The following DNAH14 variants were observed in gnomAD, a reference collection of about 807,000 sequenced individuals.
DNAH14 encodes axonemal beta dynein heavy chain 14.
DNAH14 carries 478 observed loss-of-function variants against 520.9 expected under a neutral mutation model. The observed-to-expected ratio is 0.92, with a 90% CI of 0.85 to 0.99. The LOEUF is 0.99. Among genes scored for constraint, DNAH14 ranks in the 50% least tolerant of loss-of-function variants. DNAH14 has a pLI of 0.00. For missense variants in DNAH14, 4,831 were observed against 5,234.5 expected (o/e 0.92, Z 2.38); for synonymous variants, 1,581 against 1,757.2 (o/e 0.90, Z 2.51).
intron 79 of DNAH14, among the ~76,000 whole-genome samples, chr1:225,378,424 C>CA (rs2095732163): frequency 6.6e-6 from 1 of 152,146 alleles, no homozygotes; most frequent in Non-Finnish European, 1.5e-5. Flanking sequence ...ACTTTACAGT[C>CA]AAAACAGTGT....
chr1:225,392,349 C>G lies in DNAH14; in HGVS notation c.13389C>G (p.Ala4463=). Reference sequence around the variant, plus strand: ...GGTCCCGAGGAATCGCTGTGGATGCCCTCACCTTCACCCACCATGTGATTT... The same window carrying G: ...GGTCCCGAGGAATCGCTGTGGATGCGCTCACCTTCACCCACCATGTGATTT... The part of the protein sequence containing the change: ...YGRSRGIAVD[A]LTFTHHVISN... Residue 4463 remains alanine, a synonymous_variant, in exon 84 of 86, where the codon GCC becomes GCG. Transcript: ENST00000682510. 6.4e-7 allele frequency: 1 copy of G among 1,552,328 alleles called. No individual in the cohort carries two copies. The highest frequency in any genetic ancestry group is 2.4e-5 in the East Asian group (1 of 40,924).
chr1:225,075,632 G>A (rs1238289536), intron 17 of DNAH14, among the ~76,000 whole-genome samples: 1 of 152,100 alleles, frequency 6.6e-6, no homozygotes, highest in Non-Finnish European at 1.5e-5. Context: ...AGGAAATTAA[G>A]GTGTTGTTAT....
intron 60 of DNAH14, among the ~76,000 whole-genome samples, chr1:225,310,481 G>T (rs2094341534): frequency 6.6e-6 from 1 of 152,016 alleles, no homozygotes; most frequent in African/African-American, 2.4e-5. Flanking sequence ...TAAGTTCTGG[G>T]ATACGTGTGC....
intron 4 of DNAH14, among the ~76,000 whole-genome samples, chr1:224,962,894 T>C (rs1012205828): frequency 2.6e-5 from 4 of 152,134 alleles, no homozygotes; most frequent in Admixed American, 2.0e-4. Flanking sequence ...CAAATTACAC[T>C]AAAAAATGGA....
Position 225,324,220 on chromosome 1 carries a change from A to C in DNAH14, c.9496-2A>C. ...GTAATACATTAACTGTGTTCTCTCT[A>C]GGTTTTCGTGAAGCTAAAAAAAATT... is the stretch of plus-strand genomic sequence containing the variant. On this transcript the variant is annotated splice_acceptor_variant, in intron 62 of 85. Transcript: ENST00000682510. LOFTEE classifies it high-confidence loss of function. 6.4e-7 allele frequency: 1 copy of C among 1,551,596 alleles called. No homozygotes were observed. Among genetic ancestry groups the C allele is most frequent in the South Asian group, 1.2e-5 (1 of 84,048 alleles).
intron 34 of DNAH14, among the ~76,000 whole-genome samples, chr1:225,158,968 C>T (rs918882728): frequency 5.9e-5 from 9 of 152,148 alleles, no homozygotes; most frequent in African/African-American, 2.2e-4. Context: ...CTAGTTCTGG[C>T]CCTCCTAGAG....
chr1:224,930,906 A>G (rs2058656460), intron 1 of DNAH14, among the ~76,000 whole-genome samples: 1 of 152,162 alleles, frequency 6.6e-6, no homozygotes, highest in Non-Finnish European at 1.5e-5. Context: ...CCTCTATACC[A>G]TACTTTTAAA....
chr1:225,088,489 G>A (rs1399973880), intron 21 of DNAH14, among the ~76,000 whole-genome samples: 1 of 152,074 alleles, frequency 6.6e-6, no homozygotes, highest in East Asian at 1.9e-4. Context: ...TAGGTAGAAA[G>A]AGAAATGTTA....
At chr1:225,156,243 G>C (rs1314799455) in intron 34 of DNAH14, among the ~76,000 whole-genome samples, 1 of 152,030 alleles carries the variant, frequency 6.6e-6, no homozygotes, top group East Asian at 1.9e-4. Flanking sequence ...AATTAAAATG[G>C]AAAGCAGTGT....
chr1:225,079,384 G>C lies in DNAH14; in HGVS notation c.2602G>C (p.Glu868Gln). ...AKHHQIHISE[E>Q]QIAIFQVLLL... ...GCATCACCAGATCCATATTTCAGAA[G>C]AGCAAATTGCCATATTCCAAGTTCT... is the stretch of plus-strand genomic sequence containing the variant. The change falls in exon 18 of 86, where the codon GAG becomes CAG. Residue 868 changes from glutamate to glutamine, a missense_variant. By Grantham distance (29) the Glu-to-Gln change is conservative. Coordinates refer to ENST00000682510, the MANE Select transcript of DNAH14 (RefSeq NM_001367479.1). 1 of 1,550,796 alleles carries C rather than the reference G, an allele frequency of 6.4e-7. No homozygotes were observed. Among genetic ancestry groups the C allele is most frequent in the Non-Finnish European group, 8.7e-7 (1 of 1,146,774 alleles).
intron 21 of DNAH14, among the ~76,000 whole-genome samples, chr1:225,095,088 G>T (rs1489179235): frequency 2.0e-5 from 3 of 151,898 alleles, no homozygotes; most frequent in African/African-American, 7.2e-5. Context: ...AATTAGTGTG[G>T]TGATTTCTCA....
chr1:225,392,525 T>C (rs1388367416), intron 84 of DNAH14, 74 bp downstream of exon 84: 2 of 1,505,440 alleles, frequency 1.3e-6, no homozygotes, highest in African/African-American at 1.4e-5. Flanking sequence ...AATTGTGCCC[T>C]TTACAAACCT....
At position 225,273,018 on chromosome 1, in the gene DNAH14, C is replaced by T. The variant is rs776015910; in HGVS notation, c.7903C>T (p.Leu2635Phe). 7.0e-5 allele frequency: 109 copies of T among 1,551,524 alleles called. No homozygotes were observed. The highest frequency in any genetic ancestry group is 8.8e-5 in the Non-Finnish European group (101 of 1,146,966). Residue 2635 changes from leucine (L) to phenylalanine (F), a missense_variant, in exon 52 of 86, where the codon CTC becomes TTC. Physicochemically the swap from Leu to Phe is conservative, Grantham distance 22. Coordinates refer to ENST00000682510, the MANE Select transcript of DNAH14 (RefSeq NM_001367479.1). ...TAACTCCAAAGAGATGGCTGCTCTG[C>T]TCTTTGTTCATGAAGCCACCCGAGT... ...VVNSKEMAAL[L>F]FVHEATRVFH... is the part of the protein sequence containing the mutation.
chr1:225,090,767 T>G (rs1471033230), intron 21 of DNAH14, among the ~76,000 whole-genome samples: 2 of 152,106 alleles, frequency 1.3e-5, no homozygotes, highest in African/African-American at 4.8e-5. Flanking sequence ...CCTAAAACTA[T>G]AAAACTTTGA....
intron 31 of DNAH14, among the ~76,000 whole-genome samples, chr1:225,148,789 G>A (rs540574274): frequency 2.6e-5 from 4 of 152,230 alleles, no homozygotes; most frequent in South Asian, 4.1e-4. Flanking sequence ...TTTTAATAGA[G>A]TTGTTTGTTT....
At chr1:224,987,927 A>G (rs2489339) in intron 8 of DNAH14, among the ~76,000 whole-genome samples, 14,559 of 152,156 alleles carry the variant, frequency 0.096, 2,253 homozygotes, top group African/African-American at 0.33. Flanking sequence ...TCTGGGGTAC[A>G]TGTGCAGGAC....
At chr1:225,146,575 C>T (rs2079964877) in intron 30 of DNAH14, among the ~76,000 whole-genome samples, 1 of 152,250 alleles carries the variant, frequency 6.6e-6, no homozygotes, top group Non-Finnish European at 1.5e-5. Context: ...AGAAGCCCAG[C>T]AGCAGCTGCG....
At chr1:225,246,877 G>C (rs902234259) in intron 43 of DNAH14, among the ~76,000 whole-genome samples, 1 of 152,162 alleles carries the variant, frequency 6.6e-6, no homozygotes, top group African/African-American at 2.4e-5. Flanking sequence ...CCATTACTGG[G>C]TATATACCCA....
At chr1:225,026,026 T>G (rs541576775) in intron 11 of DNAH14, among the ~76,000 whole-genome samples, 1 of 151,950 alleles carries the variant, frequency 6.6e-6, no homozygotes, top group Admixed American at 6.6e-5. Context: ...TTAGATGGGG[T>G]CTTGTGTTTC....
Sources: gnomAD v4.1 joint callset for allele counts (sites outside exome capture counted in the v4.1 genomes callset) on GRCh38, gnomAD v4.1.1 for gene constraint, MANE v1.5 for transcripts, NCBI Gene and HGNC (gene_info 2026-07-23, HGNC 2026-07-21) for gene names.